PPM1D: variants seen among roughly 807,000 people sequenced by gnomAD.
PPM1D encodes the protein protein phosphatase, Mg2+/Mn2+ dependent 1D.
A neutral mutation model predicts 58.3 loss-of-function variants in PPM1D; 52 were observed. The observed-to-expected ratio is 0.89, with a 90% CI of 0.71 to 1.12. PPM1D has a LOEUF of 1.12. Ranked by LOEUF, PPM1D falls within the 50% of genes most tolerant of loss-of-function variation. The pLI is 0.00. For missense variants in PPM1D, 564 were observed against 777.2 expected (o/e 0.73, Z 3.26); for synonymous variants, 278 against 285.1 (o/e 0.98, Z 0.25).
intron 4 of PPM1D, among the ~76,000 whole-genome samples, chr17:60,650,341 A>C (rs1187426073): frequency 6.6e-6 from 1 of 152,220 alleles, no homozygotes; most frequent in Admixed American, 6.5e-5. Context: ...ACTTGAGGTC[A>C]GGAGTTCGAG....
At chr17:60,636,554 G>A (rs916466557) in intron 3 of PPM1D, among the ~76,000 whole-genome samples, 1 of 152,154 alleles carries the variant, frequency 6.6e-6, no homozygotes, top group Non-Finnish European at 1.5e-5. Flanking sequence ...ATTCTAAATG[G>A]GATGGTCAGA....
chr17:60,619,234 C>G (rs1159872010), intron 1 of PPM1D, among the ~76,000 whole-genome samples: 1 of 149,292 alleles, frequency 6.7e-6, no homozygotes, highest in Non-Finnish European at 1.5e-5. Flanking sequence ...TTTTTTATGG[C>G]TGAACGATAT....
intron 1 of PPM1D, among the ~76,000 whole-genome samples, chr17:60,602,994 G>A (rs1598397337): frequency 6.6e-6 from 1 of 152,002 alleles, no homozygotes; most frequent in South Asian, 2.1e-4. Flanking sequence ...CATTACATTA[G>A]TCTCTACTCA....
At chr17:60,605,496 C>A (rs988235846) in intron 1 of PPM1D, among the ~76,000 whole-genome samples, 1 of 152,166 alleles carries the variant, frequency 6.6e-6, no homozygotes, top group Non-Finnish European at 1.5e-5. Context: ...TGCTCAACAA[C>A]TAGTTGAGTT....
intron 1 of PPM1D, among the ~76,000 whole-genome samples, chr17:60,611,624 T>C (rs1055958093): frequency 1.3e-5 from 2 of 151,896 alleles, no homozygotes; most frequent in African/African-American, 2.4e-5. Context: ...TCACCATGTT[T>C]GCCAAGCTGG....
rs2031578743 is a variant in PPM1D at position 60,664,031 on chromosome 17, G to A, written c.*479G>A. ...CATAGTGACCTGTGTTTCACTTAAT[G>A]TTTCTTAGAGCCAAGTGTCTTTTAA... On this transcript the variant is annotated 3_prime_UTR_variant, in exon 6 of 6. Coordinates refer to ENST00000305921, the MANE Select transcript of PPM1D (RefSeq NM_003620.4). 1 of 154,768 alleles carries A rather than the reference G, an allele frequency of 6.5e-6. No homozygotes were observed. The highest frequency in any genetic ancestry group is 1.4e-5 in the Non-Finnish European group (1 of 69,338). The allele number at this position is 154,768 out of a possible 1,614,324, so 9.6% of individuals were successfully genotyped here. A position where few individuals can be genotyped will look rare whatever the true frequency, so the allele number is the denominator to read the frequency against.
intron 3 of PPM1D, among the ~76,000 whole-genome samples, chr17:60,635,582 T>G (rs1040340853): frequency 1.3e-5 from 2 of 152,198 alleles, no homozygotes; most frequent in Non-Finnish European, 2.9e-5. Flanking sequence ...ACCAACTGTT[T>G]TTGTGTCGTA....
chr17:60,663,629 T>G lies in PPM1D; in HGVS notation c.*77T>G. The stretch of plus-strand genomic sequence containing the variant: ...TTAAATTTGGTGCCGATGTTGAACT[T>G]TTTTTAAGGGGAGAAAATTAAAAGA... On this transcript the variant is annotated 3_prime_UTR_variant, in exon 6 of 6. Transcript: ENST00000305921. 1 of 1,427,814 alleles carries G rather than the reference T, an allele frequency of 7.0e-7. No individual in the cohort carries two copies. The highest frequency in any genetic ancestry group is 9.4e-7 in the Non-Finnish European group (1 of 1,061,376). The allele number at this position is 1,427,814 out of a possible 1,614,324, so 88.4% of individuals were successfully genotyped here. A position where few individuals can be genotyped will look rare whatever the true frequency, so the allele number is the denominator to read the frequency against.
chr17:60,622,468 GT>G (rs993005180), intron 1 of PPM1D, among the ~76,000 whole-genome samples: 2 of 152,144 alleles, frequency 1.3e-5, no homozygotes, highest in African/African-American at 4.8e-5. Flanking sequence ...ATAAGTTGCA[GT>G]TTGTTTAGTG....
chr17:60,639,370 CT>C (rs2031089450), intron 3 of PPM1D, among the ~76,000 whole-genome samples: 1 of 152,110 alleles, frequency 6.6e-6, no homozygotes, highest in Non-Finnish European at 1.5e-5. Context: ...CCTCAGCCAC[CT>C]AAAGTGCTGG....
intron 1 of PPM1D, among the ~76,000 whole-genome samples, chr17:60,622,290 A>T (rs941353157): frequency 1.3e-5 from 2 of 151,548 alleles, no homozygotes; most frequent in Non-Finnish European, 2.9e-5. Flanking sequence ...TTTTCTTAAC[A>T]TAATTCTATT....
chr17:60,623,462 C>A, intron 1 of PPM1D, 59 bp from the exon 2 acceptor site: 1 of 1,473,484 alleles, frequency 6.8e-7, no homozygotes, highest in Non-Finnish European at 9.2e-7. Context: ...CCATTTGTAT[C>A]CTGACAGTGT....
intron 1 of PPM1D, among the ~76,000 whole-genome samples, chr17:60,613,691 C>T (rs979917132): frequency 1.6e-4 from 24 of 152,356 alleles, no homozygotes; most frequent in African/African-American, 5.8e-4. Context: ...ATGGGCTCCG[C>T]AGGCCCTGCA....
intron 2 of PPM1D, 129 bp downstream of exon 2, chr17:60,623,878 T>G: frequency 1.1e-6 from 1 of 879,944 alleles, no homozygotes; most frequent in Non-Finnish European, 1.7e-6. Context: ...TTTTTTAGTT[T>G]GTCTGATGTA....
intron 3 of PPM1D, among the ~76,000 whole-genome samples, chr17:60,635,127 C>T (rs916129688): frequency 5.3e-5 from 8 of 152,036 alleles, no homozygotes; most frequent in Admixed American, 5.2e-4. Context: ...TTTCTTCTTT[C>T]ACACCCTGAC....
chr17:60,640,751 C>T (rs2031117806), intron 3 of PPM1D, among the ~76,000 whole-genome samples: 2 of 152,078 alleles, frequency 1.3e-5, no homozygotes, highest in African/African-American at 4.8e-5. Context: ...TTCATGTGTA[C>T]TCAATGTTTA....
Position 60,663,449 on chromosome 17 carries a change from G to A in PPM1D, c.1715G>A (p.Arg572Gln), listed in dbSNP as rs1179832290. 2.5e-6 allele frequency: 4 copies of A among 1,613,988 alleles called. No homozygotes were observed. The highest frequency in any genetic ancestry group is 3.4e-6 in the Non-Finnish European group (4 of 1,180,030). Residue 572 changes from arginine to glutamine, a missense_variant, in exon 6 of 6, where the codon CGA becomes CAA. Physicochemically the swap from Arg to Gln is conservative, Grantham distance 43. This residue lies in a region of PPM1D where 261 missense variants were observed against 270.1 expected (regional missense o/e 0.97). Coordinates refer to ENST00000305921, the MANE Select transcript of PPM1D (RefSeq NM_003620.4). ...GCAAGTCTCCCCACAACCTCACAGC[G>A]AAAGAACTCTGTTAAACTCACCATG... ...QPASLPTTSQRKNSVKLTMRR... is the reference protein window; with the variant it reads ...QPASLPTTSQQKNSVKLTMRR...
rs1421984711 is a variant in PPM1D at position 60,656,454 on chromosome 17, AAAAAAAAAAAAGAGAAAAG to A, written c.1018-133_1018-115del. ...GGTGACAGAGGAAGACTCTGTCTCAAAAAAAAAAAAAGAGAAAAGAAAAAAAAAAATTGGGAGCTTTGTT... is the reference window on the plus strand; with the variant it reads ...GGTGACAGAGGAAGACTCTGTCTCAAAAAAAAAAAAATTGGGAGCTTTGTT... On this transcript the variant is annotated intron_variant, in intron 4 of 5. Transcript: ENST00000305921. The A allele has an allele frequency of 5.3e-5, 43 of 806,782 alleles. No homozygotes were observed. In the East Asian group the frequency reaches 1.7e-3, roughly 31 times the overall value. 50.0% of individuals were successfully genotyped at this position (806,782 alleles called of 1,614,324 possible). A position where few individuals can be genotyped will look rare whatever the true frequency, so the allele number is the denominator to read the frequency against.
Position 60,608,593 on chromosome 17 carries a change from C to CAATA in PPM1D, c.472+7722_472+7725dup, listed in dbSNP as rs368624876. Among the ~76,000 whole-genome samples the CAATA allele has an allele frequency of 4.6e-3, 693 of 151,984 alleles. 3 individuals are homozygous for CAATA. Among genetic ancestry groups the CAATA allele is most frequent in the African/African-American group, 0.016 (655 of 41,468 alleles). The stretch of plus-strand genomic sequence containing the variant: ...GCAACAGAGCGAGATTCTGTCTCAA[C>CAATA]AATAAATAAATAAATAAAATAATAA... On this transcript the variant is annotated intron_variant, in intron 1 of 5. Transcript: ENST00000305921.
Sources: allele counts gnomAD v4.1 joint callset (sites outside exome capture counted in the v4.1 genomes callset), GRCh38; gene constraint gnomAD v4.1.1; regional missense constraint gnomAD v4.1.1; transcripts MANE v1.5; gene names NCBI Gene and HGNC (gene_info 2026-07-23, HGNC 2026-07-21).